The following GTF2F2 variants were observed in gnomAD, a reference collection of about 807,000 sequenced individuals.
GTF2F2 encodes the protein ATP-dependent helicase GTF2F2.
In GTF2F2, 23 loss-of-function variants were observed where a neutral mutation model predicts 42.2. That is an observed-to-expected ratio of 0.55 (90% CI 0.39 to 0.77). The LOEUF (loss-of-function observed/expected upper bound fraction) is 0.77, where lower values mean the gene tolerates loss of function less well. Ranked by LOEUF, GTF2F2 falls within the 30% of genes least tolerant of loss-of-function variation. GTF2F2 has a pLI of 0.00. For missense variants in GTF2F2, 261 were observed against 287.2 expected (o/e 0.91, Z 0.66); for synonymous variants, 105 against 100.8 (o/e 1.04, Z -0.25).
chr13:45,236,437 T>G (rs2138226387), intron 5 of GTF2F2, among the ~76,000 whole-genome samples: 1 of 151,938 alleles, frequency 6.6e-6, no homozygotes, highest in Middle Eastern at 3.4e-3. Flanking sequence ...AATGATGGTG[T>G]CAAGAAGATT....
chr13:45,191,224 A>AAAAAAAAAAAAAT, intron 4 of GTF2F2, among the ~76,000 whole-genome samples: 7 of 75,314 alleles, frequency 9.3e-5, no homozygotes, highest in African/African-American at 5.0e-4. Flanking sequence ...ACAAAAAAAA[A>AAAAAAAAAAAAAT]ATATATATAT....
At chr13:45,269,823 G>T (rs1876715717) in intron 7 of GTF2F2, among the ~76,000 whole-genome samples, 1 of 152,004 alleles carries the variant, frequency 6.6e-6, no homozygotes, top group Non-Finnish European at 1.5e-5. Context: ...TATTTTGGGG[G>T]TGGGGTGTTT....
chr13:45,278,199 C>G (rs1031371658), intron 7 of GTF2F2, among the ~76,000 whole-genome samples: 2 of 152,140 alleles, frequency 1.3e-5, no homozygotes, highest in African/African-American at 4.8e-5. Context: ...TGCCTTATGA[C>G]TATAGGTTTG....
At chr13:45,235,853 C>T (rs1042325033) in intron 5 of GTF2F2, among the ~76,000 whole-genome samples, 1 of 152,098 alleles carries the variant, frequency 6.6e-6, no homozygotes, top group Non-Finnish European at 1.5e-5. Flanking sequence ...GATCGGCCCC[C>T]CTCAGCCTCC....
At chr13:45,253,015 C>A in intron 6 of GTF2F2, 45 bp downstream of exon 6, 1 of 818,372 alleles carries the variant, frequency 1.2e-6, no homozygotes, top group Non-Finnish European at 1.9e-6. Flanking sequence ...TATCTTCATT[C>A]TTTTCTGTAT....
intron 4 of GTF2F2, among the ~76,000 whole-genome samples, chr13:45,186,740 C>T (rs1027254050): frequency 1.3e-5 from 2 of 152,100 alleles, no homozygotes; most frequent in Admixed American, 1.3e-4. Flanking sequence ...TAGTATCACT[C>T]AACATTTTTT....
chr13:45,255,000 C>A (rs961332075), intron 6 of GTF2F2, among the ~76,000 whole-genome samples: 39 of 151,840 alleles, frequency 2.6e-4, no homozygotes, highest in Non-Finnish European at 2.9e-5. Flanking sequence ...AACCCCATCT[C>A]TACTAAAAAT....
At chr13:45,276,358 A>T (rs1877034917) in intron 7 of GTF2F2, among the ~76,000 whole-genome samples, 1 of 152,120 alleles carries the variant, frequency 6.6e-6, no homozygotes, top group South Asian at 2.1e-4. Flanking sequence ...TTTTCATATG[A>T]ATATATGTTT....
chr13:45,178,820 A>C (rs1310404342), intron 4 of GTF2F2, among the ~76,000 whole-genome samples: 1 of 152,136 alleles, frequency 6.6e-6, no homozygotes, highest in African/African-American at 2.4e-5. Context: ...GGCTGGATTA[A>C]GCTGGGGGCT....
chr13:45,176,826 C>T lies in GTF2F2; in HGVS notation c.304+24995C>T, dbSNP rs186624304. Reference sequence around the variant, plus strand: ...TTTTGGGGGGGACGGTCTCGCTCCACCCAGGCTGGAGTGCAGTGGTGCAGT... The same window carrying T: ...TTTTGGGGGGGACGGTCTCGCTCCATCCAGGCTGGAGTGCAGTGGTGCAGT... On this transcript the variant is annotated intron_variant, in intron 4 of 7. Coordinates refer to ENST00000340473, the MANE Select transcript of GTF2F2 (RefSeq NM_004128.3). Among the ~76,000 whole-genome samples the T allele has an allele frequency of 2.2e-3, 328 of 152,084 alleles. 1 individual carries two copies. The highest frequency in any genetic ancestry group is 7.6e-3 in the African/African-American group (317 of 41,486).
At chr13:45,236,490 TACACACACACAC>T (rs3047056) in intron 5 of GTF2F2, among the ~76,000 whole-genome samples, 10,763 of 141,998 alleles carry the variant, frequency 0.076, 1,259 homozygotes, top group African/African-American at 0.25. Context: ...CCGCCACACA[TACACACACACAC>T]ACACACACAC....
chr13:45,226,916 A>T (rs1205385439), intron 5 of GTF2F2, among the ~76,000 whole-genome samples: 1 of 152,100 alleles, frequency 6.6e-6, no homozygotes, highest in Non-Finnish European at 1.5e-5. Context: ...ACATGGTAAG[A>T]CCCTGTCTCT....
chr13:45,224,081 G>A (rs1874229337), intron 5 of GTF2F2, among the ~76,000 whole-genome samples: 1 of 152,140 alleles, frequency 6.6e-6, no homozygotes, highest in African/African-American at 2.4e-5. Flanking sequence ...CTGTAACTTA[G>A]TTTTTCATAT....
intron 2 of GTF2F2, among the ~76,000 whole-genome samples, chr13:45,149,433 C>CAAA (rs34165758): frequency 9.9e-5 from 9 of 91,140 alleles, no homozygotes; most frequent in Non-Finnish European, 1.5e-4. Flanking sequence ...ACCCTGTCTC[C>CAAA]AAAAAAAAAA....
chr13:45,185,783 G>A (rs1410543562), intron 4 of GTF2F2, among the ~76,000 whole-genome samples: 2 of 152,086 alleles, frequency 1.3e-5, no homozygotes. Flanking sequence ...AGATTCTTCT[G>A]TTTGGTGTCT....
intron 4 of GTF2F2, among the ~76,000 whole-genome samples, chr13:45,157,802 C>T (rs919078347): frequency 6.6e-6 from 1 of 151,866 alleles, no homozygotes; most frequent in African/African-American, 2.4e-5. Context: ...AGGCTGGTCT[C>T]GAACTCCTGC....
chr13:45,199,834 C>T (rs1189974357), intron 4 of GTF2F2, among the ~76,000 whole-genome samples: 1 of 152,144 alleles, frequency 6.6e-6, no homozygotes, highest in Non-Finnish European at 1.5e-5. Flanking sequence ...TGCCACTGTT[C>T]CTTCTGATTT....
chr13:45,268,393 A>G (rs35054480), intron 7 of GTF2F2, among the ~76,000 whole-genome samples: 2,101 of 152,286 alleles, frequency 0.014, 29 homozygotes, highest in Non-Finnish European at 0.023. Context: ...ATGAAATTTT[A>G]ATGTTCATTA....
At position 45,135,795 on chromosome 13, in the gene GTF2F2, GAC is replaced by G. The variant is rs1354341987; in HGVS notation, c.67-935_67-934del. On this transcript the variant is annotated intron_variant, in intron 1 of 7. Coordinates refer to ENST00000340473, the MANE Select transcript of GTF2F2 (RefSeq NM_004128.3). ...TTGTCATGAAAAAATAATGACACTT[GAC>G]ACTTACTGAGTAATTGCTTTGTGTA... Among the ~76,000 whole-genome samples, 8 of 152,268 alleles carry G rather than the reference GAC, an allele frequency of 5.3e-5. No homozygotes were observed. The East Asian group carries it at 1.5e-3, about 29-fold the overall frequency.
Sources: allele counts gnomAD v4.1 joint callset (sites outside exome capture counted in the v4.1 genomes callset), GRCh38; gene constraint gnomAD v4.1.1; transcripts MANE v1.5; gene names NCBI Gene and HGNC (gene_info 2026-07-23, HGNC 2026-07-21).